Variants in CSRNP3 observed in about 807,000 individuals in gnomAD.
CSRNP3 encodes the protein cysteine and serine rich nuclear protein 3.
In CSRNP3, 12 loss-of-function variants were observed where a neutral mutation model predicts 48.0. The observed-to-expected ratio is 0.25, with a 90% CI of 0.16 to 0.41. The LOEUF (loss-of-function observed/expected upper bound fraction) is 0.41, where lower values mean the gene tolerates loss of function less well. Among genes scored for constraint, CSRNP3 ranks in the 10% least tolerant of loss-of-function variants. The probability of loss-of-function intolerance (pLI) is 1.00; values close to 1 mark genes in which losing one functional copy is unlikely to be tolerated. For synonymous variants in CSRNP3, 263 were observed against 269.7 expected (o/e 0.98, Z 0.24); for missense variants, 580 against 724.4 (o/e 0.80, Z 2.29).
At chr2:165,652,101 A>G (rs2105342448) in intron 4 of CSRNP3, among the ~76,000 whole-genome samples, 1 of 152,328 alleles carries the variant, frequency 6.6e-6, no homozygotes, top group Non-Finnish European at 1.5e-5. Flanking sequence ...AGATATGCTG[A>G]ACATAATGGT....
rs572628355 is a variant in CSRNP3 at position 165,684,769 on chromosome 2, A to C, written c.*5016A>C. 6.6e-6 allele frequency: 1 copy of C among 152,090 alleles called. No homozygotes were observed. Among genetic ancestry groups the C allele is most frequent in the African/African-American group, 2.4e-5 (1 of 41,446 alleles). The allele number at this position is 152,090 out of a possible 1,614,324, so 9.4% of individuals were successfully genotyped here. ...ATCAGCAATTTTAATACCCACTAGA[A>C]TTATGGAAGTATCAGAGTGGAAGTG... On this transcript the variant is annotated 3_prime_UTR_variant, in exon 7 of 7. Transcript: ENST00000651982.
At chr2:165,617,495 T>C (rs1686267294) in intron 4 of CSRNP3, among the ~76,000 whole-genome samples, 1 of 152,162 alleles carries the variant, frequency 6.6e-6, no homozygotes, top group African/African-American at 2.4e-5. Flanking sequence ...GGTGAGGCTT[T>C]GCTGGAGACT....
chr2:165,681,224 A>G lies in CSRNP3; in HGVS notation c.*1471A>G, dbSNP rs998826685. 6.6e-6 allele frequency: 1 copy of G among 151,922 alleles called. No homozygotes were observed. Among genetic ancestry groups the G allele is most frequent in the Non-Finnish European group, 1.5e-5 (1 of 67,976 alleles). 9.4% of individuals were successfully genotyped at this position (151,922 alleles called of 1,614,324 possible). On this transcript the variant is annotated 3_prime_UTR_variant, in exon 7 of 7. Transcript: ENST00000651982. ...GTGTAATTCTGCCTTTTTTTTTCCA[A>G]TGCAATATGACTATGCTAAACCTGT...
At chr2:165,487,983 T>TA (rs1304583055) in intron 1 of CSRNP3, among the ~76,000 whole-genome samples, 12 of 135,018 alleles carry the variant, frequency 8.9e-5, no homozygotes, top group African/African-American at 3.5e-4. Context: ...ATTCTCCAAT[T>TA]AAAAGACACA....
chr2:165,475,841 G>A (rs1435608780), intron 1 of CSRNP3, among the ~76,000 whole-genome samples: 2 of 152,036 alleles, frequency 1.3e-5, no homozygotes, highest in African/African-American at 2.4e-5. Context: ...TTGTCCAAAC[G>A]CTATCTGTGC....
intron 3 of CSRNP3, among the ~76,000 whole-genome samples, chr2:165,543,513 T>A (rs781691511): frequency 1.3e-5 from 2 of 152,192 alleles, no homozygotes; most frequent in Non-Finnish European, 2.9e-5. Context: ...GTTTTCTATC[T>A]ATTTTTAAAA....
At chr2:165,472,159 T>C (rs2105442700) in intron 1 of CSRNP3, among the ~76,000 whole-genome samples, 2 of 152,190 alleles carry the variant, frequency 1.3e-5, no homozygotes, top group Admixed American at 1.3e-4. Context: ...TCAATCACTT[T>C]AATCATAAAG....
chr2:165,663,327 A>G (rs905528309), intron 5 of CSRNP3, among the ~76,000 whole-genome samples: 1 of 152,174 alleles, frequency 6.6e-6, no homozygotes, highest in Non-Finnish European at 1.5e-5. Flanking sequence ...TCCTTACAGA[A>G]TTTCTGTTAG....
rs1431077639 is a variant in CSRNP3, at chr2:165,491,813, G to T, written c.-282-2946G>T. 3.9e-5 allele frequency among the ~76,000 whole-genome samples: 4 copies of T among 102,892 alleles called. No homozygotes were observed. In the East Asian group the frequency reaches 1.4e-3, roughly 36 times the overall value. The allele number at this position is 102,892 out of a possible 152,430, so 67.5% of individuals were successfully genotyped here. A position where few individuals can be genotyped will look rare whatever the true frequency, so the allele number is the denominator to read the frequency against. ...TGGGGACTGTTGTGGGGTGGGGGGA[G>T]GGGGGAGGGATAGCATTGGGAGATA... is the stretch of plus-strand genomic sequence containing the variant. On this transcript the variant is annotated intron_variant, in intron 1 of 6. Coordinates refer to ENST00000651982, the MANE Select transcript of CSRNP3 (RefSeq NM_001172173.2).
intron 3 of CSRNP3, among the ~76,000 whole-genome samples, chr2:165,587,155 A>C (rs961796039): frequency 6.6e-6 from 1 of 152,236 alleles, no homozygotes; most frequent in African/African-American, 2.4e-5. Context: ...GTAAATGCTA[A>C]ACAAATCATA....
At chr2:165,594,648 C>T (rs1332703528) in intron 3 of CSRNP3, among the ~76,000 whole-genome samples, 1 of 152,086 alleles carries the variant, frequency 6.6e-6, no homozygotes, top group Non-Finnish European at 1.5e-5. Flanking sequence ...GTACAAAGGT[C>T]GTGCATACTT....
chr2:165,476,188 G>A (rs552181214), intron 1 of CSRNP3, among the ~76,000 whole-genome samples: 3 of 152,116 alleles, frequency 2.0e-5, no homozygotes, highest in Non-Finnish European at 2.9e-5. Flanking sequence ...CAATATTTTT[G>A]TGCTGCTCTG....
rs1683999514 is a variant in CSRNP3 at position 165,478,512 on chromosome 2, T to C, written c.-283+8772T>C. On this transcript the variant is annotated intron_variant, in intron 1 of 6. Transcript: ENST00000651982. ...ATGATTCCATTTTGTTTAAACTTCT[T>C]CTCTATGAGGAAAATCTGGAAACTA... Among the ~76,000 whole-genome samples the C allele has an allele frequency of 1.3e-5, 2 of 152,362 alleles. 1 individual carries two copies. Among genetic ancestry groups the C allele is most frequent in the South Asian group, 4.1e-4 (2 of 4,828 alleles).
chr2:165,615,519 G>A lies in CSRNP3; in HGVS notation c.148+20306G>A, dbSNP rs572592080. 7.9e-4 allele frequency among the ~76,000 whole-genome samples: 118 copies of A among 149,734 alleles called. No individual in the cohort carries two copies. In the East Asian group the frequency reaches 0.014, roughly 17 times the overall value. ...GATTGCGCCACTGCACTCTAGCCTC[G>A]GTGACAGAGCAAGACTCCATCTAAA... On this transcript the variant is annotated intron_variant, in intron 4 of 6. Transcript: ENST00000651982.
At chr2:165,666,450 G>A (rs867282405) in intron 5 of CSRNP3, among the ~76,000 whole-genome samples, 43 of 37,814 alleles carry the variant, frequency 1.1e-3, no homozygotes, top group South Asian at 3.6e-3. Flanking sequence ...GGAAGGAAGG[G>A]AGGAAAGAGA....
chr2:165,494,773 G>A lies in CSRNP3; in HGVS notation c.-268G>A, dbSNP rs952722042. On this transcript the variant is annotated 5_prime_UTR_variant, in exon 2 of 7. Coordinates refer to ENST00000651982, the MANE Select transcript of CSRNP3 (RefSeq NM_001172173.2). ...TCCTGTTACAGGTACATGTGACAGC[G>A]TTGCAGCTATGAGTGGAATTTTAAA... is the stretch of plus-strand genomic sequence containing the variant. The A allele has an allele frequency of 5.2e-5, 11 of 209,946 alleles. No individual in the cohort carries two copies. Among genetic ancestry groups the A allele is most frequent in the Non-Finnish European group, 1.1e-4 (10 of 92,014 alleles). 13.0% of individuals were successfully genotyped at this position (209,946 alleles called of 1,614,324 possible).
chr2:165,643,142 A>G (rs941752121), intron 4 of CSRNP3, among the ~76,000 whole-genome samples: 1 of 152,204 alleles, frequency 6.6e-6, no homozygotes, highest in African/African-American at 2.4e-5. Context: ...TGTGTATTGA[A>G]TATCTACTGT....
At chr2:165,659,283 AGAT>A (rs1390977523) in intron 5 of CSRNP3, among the ~76,000 whole-genome samples, 2 of 152,158 alleles carry the variant, frequency 1.3e-5, no homozygotes, top group African/African-American at 4.8e-5. Flanking sequence ...AGTCGGAGAG[AGAT>A]GAATAGAGGG....
At chr2:165,651,953 G>A (rs1686918842) in intron 4 of CSRNP3, among the ~76,000 whole-genome samples, 1 of 152,110 alleles carries the variant, frequency 6.6e-6, no homozygotes, top group Admixed American at 6.5e-5. Context: ...ACTGCACCCG[G>A]CCTGAAAGCA....
Sources: allele counts gnomAD v4.1 joint callset (sites outside exome capture counted in the v4.1 genomes callset), GRCh38; gene constraint gnomAD v4.1.1; transcripts MANE v1.5; gene names NCBI Gene and HGNC (gene_info 2026-07-23, HGNC 2026-07-21).